The following AKAP13 variants were observed in gnomAD, a reference collection of about 807,000 sequenced individuals.
AKAP13 encodes A-kinase anchoring protein 13.
In AKAP13, 80 loss-of-function variants were observed where a neutral mutation model predicts 264.5. That is an observed-to-expected ratio of 0.30 (90% confidence interval 0.25 to 0.36). The LOEUF is 0.36. AKAP13 is among the 10% of genes least tolerant of loss of function. The pLI is 1.00. For synonymous variants in AKAP13, 1,380 were observed against 1,250.2 expected (o/e 1.10, Z -2.19); for missense variants, 3,712 against 3,435.2 (o/e 1.08, Z -2.01).
At chr15:85,641,195 C>T (rs1171422168) in intron 9 of AKAP13, among the ~76,000 whole-genome samples, 1 of 151,912 alleles carries the variant, frequency 6.6e-6, no homozygotes, top group Non-Finnish European at 1.5e-5. Context: ...GCCTGTAATC[C>T]CAACACTTGG....
At chr15:85,383,067 T>C (rs2070374440) in intron 1 of AKAP13, among the ~76,000 whole-genome samples, 1 of 152,116 alleles carries the variant, frequency 6.6e-6, no homozygotes, top group South Asian at 2.1e-4. Flanking sequence ...GAAATTATTA[T>C]TGTTTTTTTT....
At chr15:85,540,845 T>C (rs1301517049) in intron 4 of AKAP13, among the ~76,000 whole-genome samples, 1 of 152,214 alleles carries the variant, frequency 6.6e-6, no homozygotes, top group East Asian at 1.9e-4. Flanking sequence ...ATGCATGCGG[T>C]GGACTACTCA....
intron 5 of AKAP13, among the ~76,000 whole-genome samples, chr15:85,550,484 C>G (rs2077920896): frequency 6.6e-6 from 1 of 152,154 alleles, no homozygotes; most frequent in African/African-American, 2.4e-5. Context: ...CGCTTGAAAC[C>G]TAGGTGTAGG....
chr15:85,383,592 C>T (rs944393663), intron 1 of AKAP13, among the ~76,000 whole-genome samples: 9 of 152,122 alleles, frequency 5.9e-5, no homozygotes, highest in African/African-American at 2.2e-4. Flanking sequence ...TGAGTCTTAT[C>T]GAAGTCTATT....
chr15:85,499,223 G>C (rs1035388595), intron 2 of AKAP13, among the ~76,000 whole-genome samples: 5 of 152,138 alleles, frequency 3.3e-5, no homozygotes, highest in African/African-American at 1.2e-4. Context: ...ATACAGGGTT[G>C]GGTATCTCTT....
At chr15:85,711,042 GT>G (rs1481738766) in intron 19 of AKAP13, among the ~76,000 whole-genome samples, 2 of 151,494 alleles carry the variant, frequency 1.3e-5, no homozygotes, top group African/African-American at 4.9e-5. Flanking sequence ...TTGAGACGGA[GT>G]CTCTCTCTGT....
At chr15:85,621,896 C>T (rs1248490752) in intron 8 of AKAP13, among the ~76,000 whole-genome samples, 1 of 152,126 alleles carries the variant, frequency 6.6e-6, no homozygotes. Context: ...TGTATTTGTA[C>T]TATCCTGCCC....
intron 10 of AKAP13, among the ~76,000 whole-genome samples, chr15:85,650,267 T>TA (rs1330948114): frequency 6.6e-6 from 1 of 150,650 alleles, no homozygotes; most frequent in African/African-American, 2.4e-5. Flanking sequence ...CTGTCTCCAG[T>TA]AAAAAATTTA....
intron 3 of AKAP13, among the ~76,000 whole-genome samples, chr15:85,521,987 G>A (rs1205551440): frequency 1.3e-5 from 2 of 152,120 alleles, no homozygotes; most frequent in Admixed American, 6.5e-5. Flanking sequence ...CATAGATACC[G>A]ATTTCTTTTC....
chr15:85,598,680 C>A (rs2079926154), intron 8 of AKAP13, among the ~76,000 whole-genome samples: 1 of 152,140 alleles, frequency 6.6e-6, no homozygotes, highest in Non-Finnish European at 1.5e-5. Context: ...GATTTCATCC[C>A]TCAAGAAGCT....
intron 19 of AKAP13, among the ~76,000 whole-genome samples, chr15:85,711,831 G>A (rs541219998): frequency 6.6e-6 from 1 of 152,208 alleles, no homozygotes; most frequent in African/African-American, 2.4e-5. Flanking sequence ...TTTTTGTGGT[G>A]TGTGGGAGTG....
At chr15:85,596,977 A>G (rs1452872766) in intron 8 of AKAP13, among the ~76,000 whole-genome samples, 1 of 152,162 alleles carries the variant, frequency 6.6e-6, no homozygotes, top group Admixed American at 6.5e-5. Flanking sequence ...ATTATGAATT[A>G]TTTTATTGCT....
At position 85,718,088 on chromosome 15, in the gene AKAP13, G is replaced by A; in HGVS notation, c.5930G>A (p.Ser1977Asn). The A allele has an allele frequency of 8.1e-6, 13 of 1,614,198 alleles. No homozygotes were observed. The highest frequency in any genetic ancestry group is 2.2e-5 in the South Asian group (2 of 91,088). ...AAACAGCTGGAAGCAGAGTCTTGGA[G>A]TCGGATAATAGACAGCAAGTTTCTA... The part of the protein sequence containing the change: ...ESKQLEAESW[S>N]RIIDSKFLKQ... The change falls in exon 22 of 37, where the codon AGT becomes AAT. Residue 1977 changes from serine to asparagine, a missense_variant. Ser to Asn is a conservative substitution (Grantham distance 46). Coordinates refer to ENST00000394518, the MANE Select transcript of AKAP13 (RefSeq NM_007200.5). This position sits in a 1 kb window ranked among gnomAD's most constrained non-coding sequence, Gnocchi z 4.9.
intron 2 of AKAP13, among the ~76,000 whole-genome samples, chr15:85,488,328 T>C (rs187466001): frequency 1.3e-3 from 193 of 152,378 alleles, no homozygotes; most frequent in Non-Finnish European, 2.3e-3. Context: ...GGATTTGTTT[T>C]GAAAGTATTT....
rs2151338764 is a variant in AKAP13, at chr15:85,593,998, G to T, written c.4161+8175G>T. Among the ~76,000 whole-genome samples the T allele has an allele frequency of 1.3e-5, 2 of 152,250 alleles. 1 individual carries two copies. Among genetic ancestry groups the T allele is most frequent in the East Asian group, 3.9e-4 (2 of 5,184 alleles). ...TTACAAAGGTTGTTTGTATTAACTA[G>T]AGTTAGGAAATTCTAGCCTATAATA... On this transcript the variant is annotated intron_variant, in intron 8 of 36. Coordinates refer to ENST00000394518, the MANE Select transcript of AKAP13 (RefSeq NM_007200.5).
Position 85,693,243 on chromosome 15 carries a change from A to C in AKAP13, c.5290-34A>C, listed in dbSNP as rs776614701. 36 of 1,564,638 alleles carry C rather than the reference A, an allele frequency of 2.3e-5. No homozygotes were observed. The South Asian group carries it at 4.0e-4, about 17-fold the overall frequency. On this transcript the variant is annotated intron_variant, in intron 16 of 36. Coordinates refer to ENST00000394518, the MANE Select transcript of AKAP13 (RefSeq NM_007200.5). ...GTAAGGAGAAAGCCCTCCAGTGTTC[A>C]ATTAACTGTGGATTATTTTCTTTTC...
At chr15:85,519,852 G>T (rs2076749779) in intron 2 of AKAP13, among the ~76,000 whole-genome samples, 1 of 151,992 alleles carries the variant, frequency 6.6e-6, no homozygotes, top group Admixed American at 6.5e-5. Flanking sequence ...ATGCTGCTGG[G>T]CTTAGTAAAT....
intron 17 of AKAP13, among the ~76,000 whole-genome samples, chr15:85,698,624 G>A (rs183559984): frequency 4.0e-5 from 6 of 150,298 alleles, no homozygotes; most frequent in African/African-American, 7.3e-5. Flanking sequence ...AACCATAGAC[G>A]ATGGATGTGA....
At chr15:85,704,970 C>G (rs1490649786) in intron 17 of AKAP13, among the ~76,000 whole-genome samples, 1 of 152,126 alleles carries the variant, frequency 6.6e-6, no homozygotes, top group Non-Finnish European at 1.5e-5. Context: ...GAGTGTTTTT[C>G]AAGTAGGTAC....
Sources: allele counts gnomAD v4.1 joint callset (sites outside exome capture counted in the v4.1 genomes callset), GRCh38; gene constraint gnomAD v4.1.1; non-coding constraint Gnocchi (gnomAD v3.1); transcripts MANE v1.5; gene names NCBI Gene and HGNC (gene_info 2026-07-23, HGNC 2026-07-21).